The following CACNA2D3 variants were observed in gnomAD, a reference collection of about 807,000 sequenced individuals.
The protein encoded by CACNA2D3 is voltage-dependent calcium channel subunit alpha-2/delta-3.
A neutral mutation model predicts 160.6 loss-of-function variants in CACNA2D3; 60 were observed. That is an observed-to-expected ratio of 0.37 (90% confidence interval 0.30 to 0.46). The LOEUF is 0.46. Among genes scored for constraint, CACNA2D3 ranks in the 20% least tolerant of loss-of-function variants. CACNA2D3 has a pLI of 1.00. For missense variants in CACNA2D3, 1,205 were observed against 1,365.0 expected (o/e 0.88, Z 1.85); for synonymous variants, 558 against 492.9 (o/e 1.13, Z -1.75).
intron 3 of CACNA2D3, among the ~76,000 whole-genome samples, chr3:54,335,126 GGATAT>G (rs1704344733): frequency 6.6e-6 from 1 of 152,142 alleles, no homozygotes; most frequent in East Asian, 1.9e-4. Context: ...CAGAAAGTAT[GGATAT>G]GATAGAACAC....
intron 35 of CACNA2D3, among the ~76,000 whole-genome samples, chr3:55,051,695 T>TC (rs1345036651): frequency 2.0e-5 from 3 of 151,884 alleles, no homozygotes; most frequent in Non-Finnish European, 4.4e-5. Context: ...CGGGCGCCCC[T>TC]CCCCCAGCCT....
chr3:55,072,726 AT>A (rs2107236077), intron 35 of CACNA2D3, among the ~76,000 whole-genome samples: 1 of 152,086 alleles, frequency 6.6e-6, no homozygotes, highest in East Asian at 1.9e-4. Flanking sequence ...TTAAAGGATT[AT>A]TTTATAGTGT....
At chr3:54,760,741 G>C (rs1202102764) in intron 12 of CACNA2D3, among the ~76,000 whole-genome samples, 7 of 152,086 alleles carry the variant, frequency 4.6e-5, no homozygotes, top group Non-Finnish European at 8.8e-5. Flanking sequence ...ATTACATATG[G>C]GGTGGGGTGA....
chr3:54,819,957 C>G (rs371843244), intron 14 of CACNA2D3, among the ~76,000 whole-genome samples: 1 of 152,096 alleles, frequency 6.6e-6, no homozygotes. Context: ...AAAAATTTGT[C>G]GGGAGAATTG....
intron 4 of CACNA2D3, among the ~76,000 whole-genome samples, chr3:54,476,214 T>C (rs1458258041): frequency 6.7e-6 from 1 of 148,844 alleles, no homozygotes; most frequent in Non-Finnish European, 1.5e-5. Flanking sequence ...TATATATGAA[T>C]ATTATATTAA....
intron 24 of CACNA2D3, among the ~76,000 whole-genome samples, 155 bp from the exon 25 acceptor site, chr3:54,891,180 CGTGTGTGTGTGTGTGTGTGT>C (rs3836392): frequency 2.6e-3 from 376 of 141,994 alleles, no homozygotes; most frequent in Admixed American, 7.2e-3. Context: ...AATCTGTGCT[CGTGTGTGTGTGTGTGTGTGT>C]GTGTGTGTGT....
At chr3:54,799,268 G>T (rs533667071) in intron 13 of CACNA2D3, among the ~76,000 whole-genome samples, 3 of 152,148 alleles carry the variant, frequency 2.0e-5, no homozygotes, top group Non-Finnish European at 4.4e-5. Context: ...AAAAAATATG[G>T]CACCAGCATA....
At chr3:54,768,560 T>C (rs1322979407) in intron 13 of CACNA2D3, among the ~76,000 whole-genome samples, 1 of 152,196 alleles carries the variant, frequency 6.6e-6, no homozygotes, top group Non-Finnish European at 1.5e-5. Context: ...AGCCAAAATA[T>C]ATGGTCTGGG....
intron 3 of CACNA2D3, among the ~76,000 whole-genome samples, chr3:54,370,029 TTGTA>T (rs1228369498): frequency 6.6e-6 from 1 of 152,244 alleles, no homozygotes; most frequent in Non-Finnish European, 1.5e-5. Flanking sequence ...TTAATTAAAC[TTGTA>T]TCTTCACGTA....
At chr3:54,743,902 AT>A (rs1250730746) in intron 11 of CACNA2D3, among the ~76,000 whole-genome samples, 2 of 152,102 alleles carry the variant, frequency 1.3e-5, no homozygotes, top group Non-Finnish European at 2.9e-5. Flanking sequence ...GTTTTATGGT[AT>A]TGGCCAATCA....
intron 11 of CACNA2D3, among the ~76,000 whole-genome samples, chr3:54,715,119 A>G (rs551077512): frequency 2.0e-5 from 3 of 152,338 alleles, no homozygotes; most frequent in Admixed American, 2.0e-4. Flanking sequence ...TGCAAGTAGT[A>G]GATTGTCACC....
At chr3:54,358,528 G>A (rs1698687140) in intron 3 of CACNA2D3, among the ~76,000 whole-genome samples, 1 of 152,214 alleles carries the variant, frequency 6.6e-6, no homozygotes, top group South Asian at 2.1e-4. Context: ...GCCTGAGGAT[G>A]CTTAAAATCA....
At chr3:54,704,146 C>G (rs755017119) in intron 11 of CACNA2D3, among the ~76,000 whole-genome samples, 1 of 152,156 alleles carries the variant, frequency 6.6e-6, no homozygotes, top group Non-Finnish European at 1.5e-5. Context: ...TGAAATGACT[C>G]CAGCTGTATT....
intron 27 of CACNA2D3, chr3:54,918,521 C>G: frequency 6.2e-7 from 1 of 1,613,988 alleles, no homozygotes; most frequent in Non-Finnish European, 8.5e-7. Context: ...TTGGTTTGAG[C>G]CAAGGGTCCC....
intron 11 of CACNA2D3, among the ~76,000 whole-genome samples, chr3:54,661,880 GTGTGTGTGTGTT>G (rs1699980136): frequency 8.6e-6 from 1 of 116,304 alleles, no homozygotes; most frequent in African/African-American, 3.1e-5. Flanking sequence ...GTGTGTGTGT[GTGTGTGTGTGTT>G]AAAAAGATAA....
chr3:54,728,420 C>G (rs1308010896), intron 11 of CACNA2D3, among the ~76,000 whole-genome samples: 1 of 152,062 alleles, frequency 6.6e-6, no homozygotes, highest in Non-Finnish European at 1.5e-5. Context: ...GAATTTCATA[C>G]AATTCTTTTT....
At chr3:54,600,998 A>G (rs1363421220) in intron 9 of CACNA2D3, among the ~76,000 whole-genome samples, 2 of 152,092 alleles carry the variant, frequency 1.3e-5, no homozygotes, top group African/African-American at 2.4e-5. Context: ...AAGTCTTGCA[A>G]TCGGAATTGC....
chr3:54,612,252 C>T (rs1698761518), intron 9 of CACNA2D3, among the ~76,000 whole-genome samples: 1 of 152,202 alleles, frequency 6.6e-6, no homozygotes, highest in African/African-American at 2.4e-5. Flanking sequence ...TCTGGTGTTT[C>T]CTGGTCAGAC....
At chr3:54,414,574 T>G (rs562378151) in intron 4 of CACNA2D3, among the ~76,000 whole-genome samples, 1 of 152,246 alleles carries the variant, frequency 6.6e-6, no homozygotes, top group Admixed American at 6.5e-5. Context: ...CTTATGTGTT[T>G]AGAAACTCTG....
Sources: gnomAD v4.1 joint callset for allele counts (sites outside exome capture counted in the v4.1 genomes callset) on GRCh38, gnomAD v4.1.1 for gene constraint, MANE v1.5 for transcripts, NCBI Gene and HGNC (gene_info 2026-07-23, HGNC 2026-07-21) for gene names.